Variants in ANK3 observed in about 807,000 individuals in gnomAD.
ANK3 encodes the protein ankyrin-3.
ANK3 carries 57 observed loss-of-function variants against 370.9 expected under a neutral mutation model. That is an observed-to-expected ratio of 0.15 (90% CI 0.12 to 0.19). ANK3 has a LOEUF of 0.19. ANK3 is among the 10% of genes least tolerant of loss of function. The pLI, the probability that ANK3 is intolerant of heterozygous loss-of-function variation, is 1.00. For synonymous variants in ANK3, 1,929 were observed against 1,946.3 expected (o/e 0.99, Z 0.23); for missense variants, 4,439 against 5,302.1 (o/e 0.84, Z 5.06).
chr10:60,570,420 C>T (rs922430041), intron 2 of ANK3, among the ~76,000 whole-genome samples: 1 of 152,134 alleles, frequency 6.6e-6, no homozygotes, highest in African/African-American at 2.4e-5. Flanking sequence ...ATGGGTTTGA[C>T]CTTCAAGGAT....
rs181680457 is a variant in ANK3, at chr10:60,070,916, G to A, written c.9965C>T (p.Ser3322Phe). 17 of 1,614,038 alleles carry A rather than the reference G, an allele frequency of 1.1e-5. 1 individual carries two copies. In the Admixed American group the frequency reaches 1.8e-4, roughly 17 times the overall value. The change falls in exon 37 of 44, where the codon TCT becomes TTT. Residue 3322 changes from serine to phenylalanine, a missense_variant. Transcript: ENST00000280772. The surrounding 1 kb of genome is among the most constrained non-coding windows in gnomAD (Gnocchi z 5.7). ...TTTAACTGGGACTGGCTGATAAATAGATTCGTCATCGCTTGAATCACTGAC... is the reference window on the plus strand; with the variant it reads ...TTTAACTGGGACTGGCTGATAAATAAATTCGTCATCGCTTGAATCACTGAC... ...ADVSDSSDDE[S>F]IYQPVPVKKY...
intron 2 of ANK3, among the ~76,000 whole-genome samples, chr10:60,518,887 T>TA (rs5785450): frequency 0.1 from 15,346 of 152,144 alleles, 856 homozygotes; most frequent in South Asian, 0.18. Flanking sequence ...CCCAAACTGA[T>TA]AAAAAGAACC....
intron 1 of ANK3, among the ~76,000 whole-genome samples, chr10:60,342,026 G>A (rs1196345039): frequency 6.6e-6 from 1 of 152,058 alleles, no homozygotes; most frequent in Non-Finnish European, 1.5e-5. Context: ...CAAATTTGTA[G>A]GAGAAAAGGT....
At chr10:60,275,424 T>G (rs72822204) in intron 4 of ANK3, among the ~76,000 whole-genome samples, 2,951 of 152,288 alleles carry the variant, frequency 0.019, 38 homozygotes, top group South Asian at 0.035. Flanking sequence ...GGGCTTAAAT[T>G]TCATCCATGA....
intron 17 of ANK3, among the ~76,000 whole-genome samples, chr10:60,184,853 A>T (rs2096283406): frequency 6.6e-6 from 1 of 152,232 alleles, no homozygotes. Flanking sequence ...TTGTGAAAGT[A>T]CTACATTGTT....
intron 2 of ANK3, among the ~76,000 whole-genome samples, chr10:60,506,338 C>T (rs187928897): frequency 1.1e-3 from 167 of 152,066 alleles, no homozygotes; most frequent in Middle Eastern, 6.8e-3. Flanking sequence ...CAAGAAAATC[C>T]CAAAGTGACT....
At chr10:60,101,678 T>C (rs2091281653) in intron 28 of ANK3, among the ~76,000 whole-genome samples, 2 of 152,200 alleles carry the variant, frequency 1.3e-5, no homozygotes, top group African/African-American at 4.8e-5. Context: ...GATTCTAGCC[T>C]CTTCAATAGA....
Position 60,075,620 on chromosome 10 carries a change from G to C in ANK3, c.5261C>G (p.Ser1754Cys). ...KISSATNSVS[S>C]VVSAATDTVE... ...TGTGTCAGTGGCTGCACTGACCACA[G>C]AGCTCACAGAGTTTGTAGCAGAAGA... Residue 1754 changes from serine to cysteine, a missense_variant, in exon 37 of 44, where the codon TCT becomes TGT. Ser to Cys is a moderately radical substitution (Grantham distance 112). Coordinates refer to ENST00000280772, the MANE Select transcript of ANK3 (RefSeq NM_020987.5). 2 of 1,614,090 alleles carry C rather than the reference G, an allele frequency of 1.2e-6. No individual in the cohort carries two copies. Among genetic ancestry groups the C allele is most frequent in the Non-Finnish European group, 1.7e-6 (2 of 1,179,996 alleles).
intron 2 of ANK3, among the ~76,000 whole-genome samples, chr10:60,577,626 C>T (rs535940719): frequency 3.9e-5 from 6 of 152,260 alleles, no homozygotes; most frequent in Non-Finnish European, 7.3e-5. Flanking sequence ...GCGTCCCCAG[C>T]CATGTGGAAC....
intron 2 of ANK3, among the ~76,000 whole-genome samples, chr10:60,427,153 C>A (rs1025538117): frequency 6.6e-6 from 1 of 152,160 alleles, no homozygotes; most frequent in African/African-American, 2.4e-5. Flanking sequence ...TTATACCCAA[C>A]ATTCCAATTT....
At chr10:60,693,177 G>T (rs190523871) in intron 1 of ANK3, among the ~76,000 whole-genome samples, 1 of 152,312 alleles carries the variant, frequency 6.6e-6, no homozygotes, top group East Asian at 1.9e-4. Context: ...CTCCCACCCC[G>T]AATACTGCAC....
chr10:60,389,970 A>T (rs1187334728), upstream of ANK3: 1 of 467,900 alleles, frequency 2.1e-6, no homozygotes, highest in Non-Finnish European at 2.8e-6. Flanking sequence ...TCCAGCGCTA[A>T]TTCTGAAAAC....
chr10:60,528,536 C>CA (rs1447885777), intron 2 of ANK3, among the ~76,000 whole-genome samples: 1 of 152,158 alleles, frequency 6.6e-6, no homozygotes, highest in African/African-American at 2.4e-5. Flanking sequence ...GCCATTTTTA[C>CA]AAACCAAAAT....
chr10:60,440,749 C>T (rs2064279844), intron 2 of ANK3, among the ~76,000 whole-genome samples: 1 of 152,070 alleles, frequency 6.6e-6, no homozygotes, highest in African/African-American at 2.4e-5. Flanking sequence ...TTGAGTGACT[C>T]CTTTGCACAG....
Position 60,198,394 on chromosome 10 carries a change from C to A in ANK3, c.1635G>T (p.Glu545Asp). 1 of 1,614,230 alleles carries A rather than the reference C, an allele frequency of 6.2e-7. No homozygotes were observed. Among genetic ancestry groups the A allele is most frequent in the Non-Finnish European group, 8.5e-7 (1 of 1,180,042 alleles). ...PLHLSAREGH[E>D]DVAAFLLDHG... ...GATCCAAAAGGAACGCGGCCACATC[C>A]TCATGCCCCTCTCGGGCGGAAAGGT... Residue 545 changes from glutamate (E) to aspartate (D), a missense_variant, in exon 14 of 44, where the codon GAG becomes GAT. Physicochemically the swap from Glu to Asp is conservative, Grantham distance 45. Transcript: ENST00000280772.
chr10:60,521,762 G>T (rs1308859414), intron 2 of ANK3, among the ~76,000 whole-genome samples: 1 of 152,074 alleles, frequency 6.6e-6, no homozygotes, highest in Non-Finnish European at 1.5e-5. Flanking sequence ...GATCAAAGTT[G>T]TGAAAAGGGT....
intron 1 of ANK3, among the ~76,000 whole-genome samples, chr10:60,683,609 C>T (rs910073222): frequency 3.9e-5 from 6 of 152,148 alleles, no homozygotes; most frequent in African/African-American, 1.2e-4. Flanking sequence ...TCAATTTGCT[C>T]GAAATTTATA....
intron 2 of ANK3, among the ~76,000 whole-genome samples, chr10:60,481,579 C>T (rs1040397680): frequency 2.0e-5 from 3 of 152,178 alleles, no homozygotes; most frequent in African/African-American, 7.2e-5. Flanking sequence ...TCTCCTGCCT[C>T]AGCCTCCTGA....
chr10:60,033,122 A>G (rs746483442), intron 43 of ANK3, among the ~76,000 whole-genome samples: 2 of 152,234 alleles, frequency 1.3e-5, no homozygotes, highest in African/African-American at 2.4e-5. Context: ...ATGCCTTTCA[A>G]ACCTAAAGGT....
Sources: gnomAD v4.1 joint callset for allele counts (sites outside exome capture counted in the v4.1 genomes callset) on GRCh38, gnomAD v4.1.1 for gene constraint, Gnocchi (gnomAD v3.1) non-coding constraint, MANE v1.5 for transcripts, NCBI Gene and HGNC (gene_info 2026-07-23, HGNC 2026-07-21) for gene names.